Variants in ASPHD2 observed in about 807,000 individuals in gnomAD.
ASPHD2 encodes the protein aspartate beta-hydroxylase domain-containing protein 2.
A neutral mutation model predicts 34.6 loss-of-function variants in ASPHD2; 12 were observed. The observed-to-expected ratio is 0.35, with a 90% CI of 0.22 to 0.56. ASPHD2 has a LOEUF of 0.56. Among genes scored for constraint, ASPHD2 ranks in the 20% least tolerant of loss-of-function variants. The probability of loss-of-function intolerance (pLI) is 0.87; values close to 1 mark genes in which losing one functional copy is unlikely to be tolerated. For missense variants in ASPHD2, 375 were observed against 505.0 expected, an observed-to-expected ratio of 0.74 and a Z score of 2.47; for synonymous variants, 224 against 212.2, an observed-to-expected ratio of 1.06 and a Z score of -0.48.
chr22:26,435,585 C>T (rs952801774), intron 2 of ASPHD2, among the ~76,000 whole-genome samples: 2 of 152,184 alleles, frequency 1.3e-5, no homozygotes, highest in African/African-American at 4.8e-5. Context: ...AGCCTCAGGG[C>T]TGCCTGGGAA....
intron 2 of ASPHD2, 107 bp from the exon 3 acceptor site, chr22:26,442,352 G>C: frequency 1.3e-6 from 1 of 794,586 alleles, no homozygotes; most frequent in Admixed American, 2.5e-5. Flanking sequence ...AGGCAGGTCA[G>C]GTGCTTTAGA....
At chr22:26,441,912 G>C (rs533370678) in intron 2 of ASPHD2, among the ~76,000 whole-genome samples, 216 of 120,192 alleles carry the variant, frequency 1.8e-3, no homozygotes, top group Middle Eastern at 7.9e-3. Flanking sequence ...GACAGAGTGA[G>C]ACTCTGTCTC....
chr22:26,438,464 C>T (rs2084807050), intron 2 of ASPHD2, among the ~76,000 whole-genome samples: 2 of 71,116 alleles, frequency 2.8e-5, no homozygotes, highest in Admixed American at 2.6e-4. Flanking sequence ...TATATATACA[C>T]ACACACATAT....
At chr22:26,431,755 C>T (rs1199346223) in intron 1 of ASPHD2, among the ~76,000 whole-genome samples, 1 of 152,222 alleles carries the variant, frequency 6.6e-6, no homozygotes, top group South Asian at 2.1e-4. Flanking sequence ...ACCTTTGGAA[C>T]GCTGGCTACT....
rs1309310901 is a variant in ASPHD2 at position 26,442,124 on chromosome 22, A to AG, written c.887-332dup. ...CCATTTCAAAAAAAAAAAAAAAAAA[A>AG]GGGAAAAGAAAAAAAGATGCAAAAG... On this transcript the variant is annotated intron_variant, in intron 2 of 3. Coordinates refer to ENST00000215906, the MANE Select transcript of ASPHD2 (RefSeq NM_020437.5). Among the ~76,000 whole-genome samples, 11 of 142,390 alleles carry AG rather than the reference A, an allele frequency of 7.7e-5. No homozygotes were observed. In the East Asian group the frequency reaches 1.4e-3, roughly 18 times the overall value. The allele number at this position is 142,390 out of a possible 152,430, so 93.4% of individuals were successfully genotyped here.
intron 2 of ASPHD2, among the ~76,000 whole-genome samples, chr22:26,440,296 TTTTTTATTTTTTA>T (rs1279845682): frequency 1.3e-5 from 2 of 152,260 alleles, no homozygotes; most frequent in Non-Finnish European, 2.9e-5. Context: ...ATACGGCTTA[TTTTTTATTTTTTA>T]TTTTTATTTT....
chr22:26,440,762 C>T (rs537385779), intron 2 of ASPHD2, among the ~76,000 whole-genome samples: 30 of 152,294 alleles, frequency 2.0e-4, no homozygotes, highest in East Asian at 1.2e-3. Context: ...AGCCTCAAAA[C>T]GGATTAAAAG....
rs763476690 is a variant in ASPHD2 at position 26,433,993 on chromosome 22, G to C, written c.378G>C (p.Leu126=). Residue 126 remains leucine (L), a synonymous_variant, in exon 2 of 4, where the codon CTG becomes CTC. Coordinates refer to ENST00000215906, the MANE Select transcript of ASPHD2 (RefSeq NM_020437.5). The surrounding 1 kb of genome is among the most constrained non-coding windows in gnomAD (Gnocchi z 5.1). ...CTHNEGLNQK[L]YHNLQEYAKR... ...ACAACGAGGGCCTCAACCAGAAGCT[G>C]TACCACAACCTGCAGGAGTACGCCA... The C allele has an allele frequency of 5.0e-6, 8 of 1,613,366 alleles. No homozygotes were observed. The Admixed American group carries it at 1.2e-4, about 24-fold the overall frequency.
chr22:26,442,847 G>A (rs928111246), intron 3 of ASPHD2, among the ~76,000 whole-genome samples: 2 of 152,128 alleles, frequency 1.3e-5, no homozygotes, highest in South Asian at 2.1e-4. Context: ...ATACAGAATA[G>A]TTTCACTGCC....
intron 2 of ASPHD2, among the ~76,000 whole-genome samples, chr22:26,438,666 C>CACATACAT (rs1343118777): frequency 2.5e-4 from 17 of 67,170 alleles, no homozygotes; most frequent in African/African-American, 8.7e-4. Flanking sequence ...TATATATATA[C>CACATACAT]ACATACATAC....
chr22:26,434,200 C>T lies in ASPHD2; in HGVS notation c.585C>T (p.Phe195=). ...KHDVEVLERN[F]QTILCEFETL... ...ATGTGGAAGTGCTGGAACGGAACTT[C>T]CAGACCATCCTGTGTGAGTTTGAGA... Residue 195 remains phenylalanine, a synonymous_variant, in exon 2 of 4, where the codon TTC becomes TTT. Coordinates refer to ENST00000215906, the MANE Select transcript of ASPHD2 (RefSeq NM_020437.5). 1.2e-6 allele frequency: 2 copies of T among 1,613,838 alleles called. No homozygotes were observed. The highest frequency in any genetic ancestry group is 1.7e-6 in the Non-Finnish European group (2 of 1,179,938).
intron 1 of ASPHD2, among the ~76,000 whole-genome samples, chr22:26,432,054 G>C (rs1284903162): frequency 6.6e-6 from 1 of 152,228 alleles, no homozygotes; most frequent in Non-Finnish European, 1.5e-5. Context: ...AATTAGCTGG[G>C]TGTGATGGCG....
intron 2 of ASPHD2, among the ~76,000 whole-genome samples, chr22:26,436,270 G>A (rs1342155241): frequency 1.3e-5 from 2 of 152,348 alleles, no homozygotes; most frequent in African/African-American, 4.8e-5. Context: ...CTTGCTGGCT[G>A]TTTTGAGGAG....
chr22:26,433,636 A>C lies in ASPHD2; in HGVS notation c.21A>C (p.Gly7=). The change falls in exon 2 of 4, where the codon GGA becomes GGC. Residue 7 remains glycine, a synonymous_variant. Coordinates refer to ENST00000215906, the MANE Select transcript of ASPHD2 (RefSeq NM_020437.5). The surrounding 1 kb of genome is among the most constrained non-coding windows in gnomAD (Gnocchi z 5.1). The stretch of plus-strand genomic sequence containing the variant: ...TCTGCATGGTGTGGGCGCCCTTGGG[A>C]CCCCCGAGGACTGATTGTCTGACCT... MVWAPL[G]PPRTDCLTLL... is the part of the protein sequence containing the mutation. 2 of 1,612,580 alleles carry C rather than the reference A, an allele frequency of 1.2e-6. No homozygotes were observed. The highest frequency in any genetic ancestry group is 1.7e-6 in the Non-Finnish European group (2 of 1,179,524).
chr22:26,433,930 C>T lies in ASPHD2; in HGVS notation c.315C>T (p.Tyr105=), dbSNP rs760000769. Residue 105 remains tyrosine (Y), a synonymous_variant, in exon 2 of 4, where the codon TAC becomes TAT. Coordinates refer to ENST00000215906, the MANE Select transcript of ASPHD2 (RefSeq NM_020437.5). This position sits in a 1 kb window ranked among gnomAD's most constrained non-coding sequence, Gnocchi z 5.1. ...ATGCCAACGGGCTGCAGAATGGCTA[C>T]GTGTACTGCCAGTCCCCTGAGTGCG... ...AADANGLQNG[Y]VYCQSPECVR... is the part of the protein sequence containing the mutation. 6.8e-6 allele frequency: 11 copies of T among 1,613,428 alleles called. No individual in the cohort carries two copies. Among genetic ancestry groups the T allele is most frequent in the South Asian group, 4.4e-5 (4 of 91,090 alleles).
rs1414070247 is a variant in ASPHD2 at position 26,430,652 on chromosome 22, CCAGT to C, written c.-225+1169_-225+1172del. Among the ~76,000 whole-genome samples, 3 of 152,306 alleles carry C rather than the reference CCAGT, an allele frequency of 2.0e-5. No individual in the cohort carries two copies. The East Asian group carries it at 5.8e-4, about 29-fold the overall frequency. On this transcript the variant is annotated intron_variant, in intron 1 of 3. Coordinates refer to ENST00000215906, the MANE Select transcript of ASPHD2 (RefSeq NM_020437.5). The stretch of plus-strand genomic sequence containing the variant: ...GTTTGAAGCAGTGCTTAATAAACTG[CCAGT>C]CACTCTGCAAATGTGTTTCTTTTAT...
intron 2 of ASPHD2, among the ~76,000 whole-genome samples, chr22:26,442,105 CAAAA>C (rs61233112): frequency 7.3e-4 from 72 of 98,170 alleles, no homozygotes; most frequent in African/African-American, 2.0e-3. Context: ...GACTCCATTT[CAAAA>C]AAAAAAAAAA....
chr22:26,441,894 G>T (rs1384583311), intron 2 of ASPHD2, among the ~76,000 whole-genome samples: 1 of 151,284 alleles, frequency 6.6e-6, no homozygotes. Flanking sequence ...CTGCACTCCA[G>T]CCTGGGCGAC....
intron 2 of ASPHD2, among the ~76,000 whole-genome samples, chr22:26,437,220 G>A (rs5761523): frequency 0.37 from 56,309 of 152,086 alleles, 10,715 homozygotes; most frequent in South Asian, 0.47. Flanking sequence ...CCACACCTCT[G>A]CTGGTTACCT....
Sources: gnomAD v4.1 joint callset for allele counts (sites outside exome capture counted in the v4.1 genomes callset) on GRCh38, gnomAD v4.1.1 for gene constraint, Gnocchi (gnomAD v3.1) non-coding constraint, MANE v1.5 for transcripts, NCBI Gene and HGNC (gene_info 2026-07-23, HGNC 2026-07-21) for gene names.